Variants in KCNMA1 observed in about 807,000 individuals in gnomAD.
KCNMA1 encodes potassium calcium-activated channel subfamily M alpha 1, also known as Calcium-activated potassium channel subunit alpha-1.
A neutral mutation model predicts 140.0 loss-of-function variants in KCNMA1; 29 were observed. That is an observed-to-expected ratio of 0.21 (90% CI 0.15 to 0.28). KCNMA1 has a LOEUF of 0.28. Among genes scored for constraint, KCNMA1 ranks in the 10% least tolerant of loss-of-function variants. KCNMA1 has a pLI of 1.00. For missense variants in KCNMA1, 880 were observed against 1,602.2 expected (o/e 0.55, Z 7.70); for synonymous variants, 612 against 611.9 (o/e 1.00, Z 0.00).
intron 5 of KCNMA1, among the ~76,000 whole-genome samples, chr10:77,122,008 G>A (rs917282429): frequency 5.9e-5 from 9 of 152,210 alleles, no homozygotes; most frequent in Non-Finnish European, 7.3e-5. Context: ...GCACCGCCAC[G>A]TGCCAAAGGC....
intron 2 of KCNMA1, among the ~76,000 whole-genome samples, chr10:77,362,479 C>T (rs1367348645): frequency 6.6e-6 from 1 of 151,902 alleles, no homozygotes; most frequent in Non-Finnish European, 1.5e-5. Flanking sequence ...TCTTTGGGTG[C>T]TTTATGTAAC....
chr10:76,909,960 A>T lies in KCNMA1; in HGVS notation c.3147+6T>A. On this transcript the variant is annotated splice_donor_region_variant and intron_variant, in intron 25 of 27. Transcript: ENST00000286628. ...TGAGTGAGGAGGAGGGAACAGGATA[A>T]CTCACCGCGCTCATGAGTGAGTCCA... The T allele has an allele frequency of 1.2e-6, 2 of 1,613,114 alleles. No individual in the cohort carries two copies. The highest frequency in any genetic ancestry group is 1.7e-6 in the Non-Finnish European group (2 of 1,179,798).
At chr10:76,945,573 A>G (rs1197380456) in intron 22 of KCNMA1, among the ~76,000 whole-genome samples, 1 of 152,174 alleles carries the variant, frequency 6.6e-6, no homozygotes, top group Non-Finnish European at 1.5e-5. Context: ...AGATCATATA[A>G]TTTTATTGCA....
At chr10:76,910,138 C>A (rs1406576406) in intron 24 of KCNMA1, 42 bp from the exon 25 acceptor site, 2 of 1,610,420 alleles carry the variant, frequency 1.2e-6, no homozygotes, top group Non-Finnish European at 1.7e-6. Context: ...GAAGACCACA[C>A]ACAGGCATTG....
At chr10:77,606,267 A>G (rs1202461759) in intron 1 of KCNMA1, among the ~76,000 whole-genome samples, 1 of 152,174 alleles carries the variant, frequency 6.6e-6, no homozygotes, top group Non-Finnish European at 1.5e-5. Context: ...GGATGGGACA[A>G]TCATTGCTGT....
chr10:77,506,596 A>AGAGAGAGAGAGTGTGTGTGTGTGT lies in KCNMA1; in HGVS notation c.379-102574_379-102573insACACACACACACACTCTCTCTCTC. Among the ~76,000 whole-genome samples the AGAGAGAGAGAGTGTGTGTGTGTGT allele has an allele frequency of 1.3e-4, 11 of 83,568 alleles. 1 individual carries two copies. The highest frequency in any genetic ancestry group is 6.7e-4 in the African/African-American group (9 of 13,410). The allele number at this position is 83,568 out of a possible 152,430, so 54.8% of individuals were successfully genotyped here. On this transcript the variant is annotated intron_variant, in intron 1 of 27. Transcript: ENST00000286628. ...TAGAGAGAGAGAGAGAGAGAGAGAG[A>AGAGAGAGAGAGTGTGTGTGTGTGT]GTGTGTGTGTGTGTGTGTGTGTGTT... is the stretch of plus-strand genomic sequence containing the variant.
intron 2 of KCNMA1, among the ~76,000 whole-genome samples, chr10:77,339,432 C>T (rs2090250656): frequency 1.3e-5 from 2 of 152,262 alleles, no homozygotes; most frequent in South Asian, 2.1e-4. Context: ...AGCTGAGAGA[C>T]TCCAGTCTTG....
chr10:77,520,770 G>C (rs918365938), intron 1 of KCNMA1, among the ~76,000 whole-genome samples: 9 of 152,172 alleles, frequency 5.9e-5, no homozygotes, highest in Middle Eastern at 3.4e-3. Context: ...CCTCAACAGA[G>C]AGGAAAGTCC....
At chr10:77,229,682 C>A (rs1184777479) in intron 3 of KCNMA1, among the ~76,000 whole-genome samples, 2 of 152,154 alleles carry the variant, frequency 1.3e-5, no homozygotes, top group Non-Finnish European at 1.5e-5. Context: ...GTGCTGCTGG[C>A]CATCCCTGAA....
At chr10:76,985,948 A>C (rs2081152252) in intron 19 of KCNMA1, among the ~76,000 whole-genome samples, 1 of 152,234 alleles carries the variant, frequency 6.6e-6, no homozygotes, top group Non-Finnish European at 1.5e-5. Context: ...TACTCTAAAG[A>C]ATAGATGTAT....
At chr10:76,970,276 T>C in intron 19 of KCNMA1, 1 of 594,154 alleles carries the variant, frequency 1.7e-6, no homozygotes, top group Non-Finnish European at 3.1e-6. Flanking sequence ...CACTCCAGCC[T>C]TTGAACATAC....
chr10:77,380,227 A>T (rs1382404794), intron 2 of KCNMA1, among the ~76,000 whole-genome samples: 1 of 152,182 alleles, frequency 6.6e-6, no homozygotes, highest in Non-Finnish European at 1.5e-5. Context: ...CATGGTGGGT[A>T]TCAATATAAA....
chr10:76,999,747 C>A (rs1037226720), intron 19 of KCNMA1, among the ~76,000 whole-genome samples: 18 of 152,200 alleles, frequency 1.2e-4, no homozygotes, highest in Non-Finnish European at 2.4e-4. Context: ...CACTCCCTCT[C>A]AATGCAACCT....
chr10:77,496,353 T>G (rs1163230909), intron 1 of KCNMA1, among the ~76,000 whole-genome samples: 2 of 151,886 alleles, frequency 1.3e-5, no homozygotes, highest in Admixed American at 6.6e-5. Flanking sequence ...TCCCAGCACT[T>G]TGGGAGGCCG....
chr10:77,526,217 T>C (rs1461371625), intron 1 of KCNMA1, among the ~76,000 whole-genome samples: 1 of 152,202 alleles, frequency 6.6e-6, no homozygotes, highest in Non-Finnish European at 1.5e-5. Context: ...CACTGATCCA[T>C]CCATAGTGGA....
chr10:77,611,854 C>T (rs141351621), intron 1 of KCNMA1, among the ~76,000 whole-genome samples: 136 of 152,224 alleles, frequency 8.9e-4, no homozygotes, highest in African/African-American at 3.1e-3. Context: ...AGACTAGGTA[C>T]GCAGGGGACA....
intron 3 of KCNMA1, among the ~76,000 whole-genome samples, chr10:77,205,962 T>C (rs1203282047): frequency 1.3e-5 from 2 of 152,202 alleles, no homozygotes; most frequent in Admixed American, 1.3e-4. Flanking sequence ...AACTGTATTA[T>C]TTGTTTATTA....
chr10:77,185,833 C>T (rs2098845405), intron 3 of KCNMA1, among the ~76,000 whole-genome samples: 1 of 152,072 alleles, frequency 6.6e-6, no homozygotes, highest in African/African-American at 2.4e-5. Context: ...ACACTCAAAG[C>T]TGTGAATGGA....
At chr10:77,248,422 GTT>G (rs2059033266) in intron 3 of KCNMA1, among the ~76,000 whole-genome samples, 1 of 152,162 alleles carries the variant, frequency 6.6e-6, no homozygotes, top group South Asian at 2.1e-4. Context: ...ATGTCTGTTG[GTT>G]TAGATTCACT....
Sources: allele counts gnomAD v4.1 joint callset (sites outside exome capture counted in the v4.1 genomes callset), GRCh38; gene constraint gnomAD v4.1.1; transcripts MANE v1.5; gene names NCBI Gene and HGNC (gene_info 2026-07-23, HGNC 2026-07-21).